GSE1: variants seen among roughly 807,000 people sequenced by gnomAD.
The protein encoded by GSE1 is Gse1 coiled-coil protein.
A neutral mutation model predicts 112.6 loss-of-function variants in GSE1; 32 were observed. The ratio of observed to expected loss-of-function variants is 0.28; its 90% CI spans 0.21 to 0.38. The LOEUF (loss-of-function observed/expected upper bound fraction) is 0.38. Among genes scored for constraint, GSE1 ranks in the 10% least tolerant of loss-of-function variants. GSE1 has a pLI of 1.00. For missense variants in GSE1, 2,348 were observed against 1,699.2 expected (o/e 1.38, Z -6.71); for synonymous variants, 1,115 against 735.6 (o/e 1.52, Z -8.35).
intron 2 of GSE1, among the ~76,000 whole-genome samples, chr16:85,374,911 G>C (rs1263209722): frequency 6.6e-6 from 1 of 152,216 alleles, no homozygotes; most frequent in African/African-American, 2.4e-5. Flanking sequence ...TGGTGACATT[G>C]TGCCTTCCCT....
chr16:85,655,435 G>A (rs888062903), intron 5 of GSE1, among the ~76,000 whole-genome samples: 4 of 152,222 alleles, frequency 2.6e-5, no homozygotes, highest in African/African-American at 9.6e-5. Context: ...GGGCAGCCCA[G>A]CCTGCTCGCC....
chr16:85,587,723 G>C (rs2046774003), intron 1 of GSE1, among the ~76,000 whole-genome samples: 1 of 151,996 alleles, frequency 6.6e-6, no homozygotes, highest in Non-Finnish European at 1.5e-5. Flanking sequence ...CAGGGAGCCA[G>C]TGCTAGAGGG....
exon 1 of GSE1, chr16:85,169,758 C>G: frequency 3.0e-6 from 3 of 983,988 alleles, no homozygotes; most frequent in Non-Finnish European, 3.6e-6. Flanking sequence ...GCGAGCTGTC[C>G]CCGGCCGACG....
chr16:85,661,581 C>G lies in GSE1; in HGVS notation c.2076C>G (p.Ser692=), dbSNP rs1165211024. 1 of 1,610,590 alleles carries G rather than the reference C, an allele frequency of 6.2e-7. No individual in the cohort carries two copies. Among genetic ancestry groups the G allele is most frequent in the South Asian group, 1.1e-5 (1 of 90,748 alleles). ...CCATCCTGGGCCAGCAGCGGGCCTC[C>G]CTCCCACAGGCGGCCACCTTCGGGG... ...TQTILGQQRA[S]LPQAATFGEL... The change falls in exon 9 of 16, where the codon TCC becomes TCG. Residue 692 remains serine, a synonymous_variant. Transcript: ENST00000253458.
chr16:85,508,049 T>C (rs1013776121), intron 2 of GSE1, among the ~76,000 whole-genome samples: 1 of 152,126 alleles, frequency 6.6e-6, no homozygotes, highest in Admixed American at 6.5e-5. Context: ...TTTTTTTGTC[T>C]TTTGAGATGG....
chr16:85,239,443 C>T (rs1411835583), intron 1 of GSE1, among the ~76,000 whole-genome samples: 1 of 152,198 alleles, frequency 6.6e-6, no homozygotes, highest in East Asian at 1.9e-4. Context: ...GTGAGGAGGA[C>T]CGTCTGCTTC....
intron 2 of GSE1, among the ~76,000 whole-genome samples, chr16:85,420,778 G>A (rs527970935): frequency 2.0e-5 from 3 of 152,200 alleles, no homozygotes; most frequent in African/African-American, 7.2e-5. Flanking sequence ...CTCGCCCTGG[G>A]TGGAGTGTAA....
At chr16:85,588,175 C>T (rs921697470) in intron 1 of GSE1, among the ~76,000 whole-genome samples, 5 of 152,220 alleles carry the variant, frequency 3.3e-5, no homozygotes, top group Admixed American at 6.5e-5. Context: ...GCATCTCGCT[C>T]GATTCCCCAC....
At chr16:85,347,908 G>T (rs532996550) in intron 1 of GSE1, among the ~76,000 whole-genome samples, 6 of 152,330 alleles carry the variant, frequency 3.9e-5, no homozygotes, top group African/African-American at 1.4e-4. Context: ...AGCCCCAGCA[G>T]CCCTCGAGGC....
intron 4 of GSE1, among the ~76,000 whole-genome samples, 170 bp from the exon 5 acceptor site, chr16:85,654,624 G>T (rs1217452079): frequency 1.3e-5 from 2 of 152,136 alleles, no homozygotes; most frequent in Non-Finnish European, 2.9e-5. Context: ...CACTGAGGTG[G>T]CAGTGGCAGC....
At chr16:85,275,115 C>T (rs78337200) in intron 1 of GSE1, among the ~76,000 whole-genome samples, 2,344 of 152,284 alleles carry the variant, frequency 0.015, 56 homozygotes, top group African/African-American at 0.054. Context: ...TCAGCCGATC[C>T]GCAGACACAG....
intron 1 of GSE1, chr16:85,185,264 A>G (rs67693600): frequency 0.094 from 14,375 of 152,378 alleles, 968 homozygotes; most frequent in South Asian, 0.23. Context: ...CCAAGGCCAC[A>G]CAGGTGTCAG....
Position 85,663,086 on chromosome 16 carries a change from C to A in GSE1, c.2366C>A (p.Ser789Tyr), listed in dbSNP as rs774751000. The A allele has an allele frequency of 1.2e-6, 2 of 1,603,072 alleles. No individual in the cohort carries two copies. The highest frequency in any genetic ancestry group is 1.7e-6 in the Non-Finnish European group (2 of 1,171,306). ...AEQPPLKLDTSSEKLEFLQLF... is the reference protein window; with the variant it reads ...AEQPPLKLDTYSEKLEFLQLF... Reference sequence around the variant, plus strand: ...CAGCCGCCCCTCAAACTGGACACGTCCTCTGAGGTACTGGGCTCTCCTCCC... The same window carrying A: ...CAGCCGCCCCTCAAACTGGACACGTACTCTGAGGTACTGGGCTCTCCTCCC... The change falls in exon 10 of 16, where the codon TCC becomes TAC. Residue 789 changes from serine to tyrosine, a missense_variant. By Grantham distance (144) the Ser-to-Tyr change is moderately radical. Coordinates refer to ENST00000253458, the MANE Select transcript of GSE1 (RefSeq NM_014615.5).
chr16:85,446,760 C>G (rs1219390679), intron 2 of GSE1, among the ~76,000 whole-genome samples: 2 of 152,142 alleles, frequency 1.3e-5, no homozygotes, highest in Non-Finnish European at 2.9e-5. Context: ...AGCCTGCGTC[C>G]TGTTCCGCTT....
intron 1 of GSE1, among the ~76,000 whole-genome samples, chr16:85,209,256 T>C (rs2075181142): frequency 6.6e-6 from 1 of 152,130 alleles, no homozygotes; most frequent in South Asian, 2.1e-4. Flanking sequence ...TGCTCCCATT[T>C]TACAGATGAG....
chr16:85,173,323 A>G (rs1366342734), intron 1 of GSE1, among the ~76,000 whole-genome samples: 2 of 152,198 alleles, frequency 1.3e-5, no homozygotes, highest in African/African-American at 4.8e-5. Context: ...TTCTCTTGCT[A>G]AGTACCTGTG....
chr16:85,246,417 A>G (rs1286813622), intron 1 of GSE1, among the ~76,000 whole-genome samples: 1 of 119,422 alleles, frequency 8.4e-6, no homozygotes, highest in Admixed American at 8.9e-5. Context: ...ACACACACAC[A>G]CACACCCCAT....
chr16:85,648,540 T>C lies in GSE1; in HGVS notation c.227-12T>C, dbSNP rs776146968. 23 of 1,469,652 alleles carry C rather than the reference T, an allele frequency of 1.6e-5. No individual in the cohort carries two copies. Among genetic ancestry groups the C allele is most frequent in the Admixed American group, 4.4e-5 (2 of 44,944 alleles). The allele number at this position is 1,469,652 out of a possible 1,614,324, so 91.0% of individuals were successfully genotyped here. A position where few individuals can be genotyped will look rare whatever the true frequency, so the allele number is the denominator to read the frequency against. ...GCGGCTCCCACTCAGGCCACCGTCT[T>C]CTCCTCCACAGGGTCCTCACTGAGC... On this transcript the variant is annotated splice_polypyrimidine_tract_variant and intron_variant, in intron 2 of 15. Coordinates refer to ENST00000253458, the MANE Select transcript of GSE1 (RefSeq NM_014615.5).
Position 85,419,229 on chromosome 16 carries a change from C to T in GSE1, c.2464+61586C>T, listed in dbSNP as rs537143918. 2.6e-4 allele frequency among the ~76,000 whole-genome samples: 39 copies of T among 152,268 alleles called. 1 individual carries two copies. Among genetic ancestry groups the T allele is most frequent in the South Asian group, 1.7e-3 (8 of 4,824 alleles). ...CTGCAGGGACAGCAGTGAGGGTGCC[C>T]GGGCCCTGCCCTTACAAAAGGTTCA... On this transcript the variant is annotated intron_variant, in intron 2 of 2. Coordinates refer to the GSE1 transcript ENST00000637419. The surrounding 1 kb of genome is among the most constrained non-coding windows in gnomAD (Gnocchi z 6.5).
Sources: gnomAD v4.1 joint callset for allele counts (sites outside exome capture counted in the v4.1 genomes callset) on GRCh38, gnomAD v4.1.1 for gene constraint, Gnocchi (gnomAD v3.1) non-coding constraint, MANE v1.5 for transcripts, NCBI Gene and HGNC (gene_info 2026-07-23, HGNC 2026-07-21) for gene names.